Variants in CCDC60 observed in about 807,000 individuals in gnomAD.
CCDC60 encodes the protein coiled-coil domain-containing protein 60.
Under a neutral mutation model 63.5 loss-of-function variants are expected in CCDC60, and 54 were observed. The ratio of observed to expected loss-of-function variants is 0.85; its 90% confidence interval spans 0.68 to 1.07. The LOEUF (loss-of-function observed/expected upper bound fraction) is 1.07, where lower values mean the gene tolerates loss of function less well. Among genes scored for constraint, CCDC60 ranks in the 50% least tolerant of loss-of-function variants. The pLI, the probability that CCDC60 is intolerant of heterozygous loss-of-function variation, is 0.00. For missense variants in CCDC60, 651 were observed against 684.3 expected (o/e 0.95, Z 0.54); for synonymous variants, 206 against 238.8 (o/e 0.86, Z 1.27).
At chr12:119,441,732 T>C (rs1275847675) in intron 2 of CCDC60, among the ~76,000 whole-genome samples, 1 of 152,238 alleles carries the variant, frequency 6.6e-6, no homozygotes, top group African/African-American at 2.4e-5. Flanking sequence ...GAGTCTGTTC[T>C]CTCTCAGTAT....
At chr12:119,417,126 A>G (rs375737868) in intron 1 of CCDC60, among the ~76,000 whole-genome samples, 37 of 152,246 alleles carry the variant, frequency 2.4e-4, no homozygotes, top group African/African-American at 8.2e-4. Flanking sequence ...GTCTAAAAAA[A>G]AGAAAAAAAG....
intron 1 of CCDC60, among the ~76,000 whole-genome samples, chr12:119,398,045 G>GC (rs1956306324): frequency 1.4e-5 from 1 of 69,224 alleles, no homozygotes; most frequent in African/African-American, 5.8e-5. Flanking sequence ...AGGGGCAGCG[G>GC]GGGGGGAGGA....
At chr12:119,383,241 T>G (rs1956026508) in intron 1 of CCDC60, among the ~76,000 whole-genome samples, 1 of 152,188 alleles carries the variant, frequency 6.6e-6, no homozygotes, top group Non-Finnish European at 1.5e-5. Context: ...ATTCTATCTC[T>G]ACAAAAATAA....
intron 13 of CCDC60, among the ~76,000 whole-genome samples, chr12:119,534,627 G>C (rs1303886314): frequency 6.6e-6 from 1 of 152,098 alleles, no homozygotes; most frequent in East Asian, 1.9e-4. Flanking sequence ...TAGCATGAAG[G>C]GCTGTTGAAT....
intron 1 of CCDC60, among the ~76,000 whole-genome samples, chr12:119,353,598 CTTTTTTTTTTTTTTTT>C (rs71072514): frequency 1.5e-5 from 1 of 68,204 alleles, no homozygotes; most frequent in Non-Finnish European, 2.7e-5. Context: ...TCTTCTTCTT[CTTTTTTTTTTTTTTTT>C]TTTTTTTTTT....
chr12:119,361,892 T>A (rs1470063299), intron 1 of CCDC60, among the ~76,000 whole-genome samples: 1 of 152,232 alleles, frequency 6.6e-6, no homozygotes, highest in Non-Finnish European at 1.5e-5. Flanking sequence ...CATGGAAAGA[T>A]GGCCATTGTG....
At chr12:119,373,040 T>G (rs1158928420) in intron 1 of CCDC60, among the ~76,000 whole-genome samples, 2 of 152,156 alleles carry the variant, frequency 1.3e-5, no homozygotes, top group Admixed American at 6.5e-5. Context: ...TTATGATGAT[T>G]GTAAGTGAAA....
At chr12:119,418,475 C>T (rs549143586) in intron 1 of CCDC60, among the ~76,000 whole-genome samples, 7 of 131,824 alleles carry the variant, frequency 5.3e-5, no homozygotes, top group Admixed American at 3.4e-4. Flanking sequence ...AGTGCAGTGG[C>T]GCAATCTCAG....
chr12:119,434,756 A>G (rs558805974), intron 2 of CCDC60, among the ~76,000 whole-genome samples: 1 of 152,312 alleles, frequency 6.6e-6, no homozygotes, highest in Admixed American at 6.5e-5. Flanking sequence ...TGCTGGAAGA[A>G]CTGAGGTGAG....
In CCDC60 at chr12:119,530,962, GA is replaced by G; in HGVS notation, c.1454del (p.Asn485ThrfsTer12). The G allele has an allele frequency of 6.2e-7, 1 of 1,614,196 alleles. No individual in the cohort carries two copies. Among genetic ancestry groups the G allele is most frequent in the South Asian group, 1.1e-5 (1 of 91,072 alleles). On this transcript the variant is annotated frameshift_variant, in exon 13 of 14. Transcript: ENST00000327554. LOFTEE classifies it high-confidence loss of function. ...CCTGGTGAAACTGCAGAAGTTTGGA[GA>G]AAACCTGGACTTGCGGATTCGACCC... ...KILVKLQKFG[E>X]NLDLRIRPHV...
chr12:119,436,320 T>C (rs1409649257), intron 2 of CCDC60, among the ~76,000 whole-genome samples: 1 of 151,986 alleles, frequency 6.6e-6, no homozygotes, highest in Non-Finnish European at 1.5e-5. Flanking sequence ...GGAAAGCACA[T>C]CATTTAAGCA....
intron 3 of CCDC60, among the ~76,000 whole-genome samples, chr12:119,476,502 G>T (rs2136337541): frequency 6.6e-6 from 1 of 152,250 alleles, no homozygotes; most frequent in Non-Finnish European, 1.5e-5. Context: ...TTAACTCTGT[G>T]ATTCCAGAAT....
Position 119,370,331 on chromosome 12 carries a change from C to T in CCDC60, c.90+35065C>T, listed in dbSNP as rs551681086. Among the ~76,000 whole-genome samples the T allele has an allele frequency of 4.6e-5, 7 of 152,320 alleles. No individual in the cohort carries two copies. In the South Asian group the frequency reaches 8.3e-4, roughly 18 times the overall value. ...TGCGCCCCGTGGTGCATTCCACATC[C>T]GGGACTATGGCTTAAGTTGTCATGA... On this transcript the variant is annotated intron_variant, in intron 1 of 13. Transcript: ENST00000327554.
chr12:119,470,011 G>A (rs1266754210), intron 2 of CCDC60, among the ~76,000 whole-genome samples: 1 of 152,166 alleles, frequency 6.6e-6, no homozygotes, highest in Non-Finnish European at 1.5e-5. Context: ...AAGAACCCAA[G>A]GCCCTGCGCC....
intron 1 of CCDC60, among the ~76,000 whole-genome samples, chr12:119,428,482 C>T (rs1956938951): frequency 6.6e-6 from 1 of 152,152 alleles, no homozygotes; most frequent in Admixed American, 6.6e-5. Context: ...GGCTCAGGTC[C>T]ATCTGTCTCC....
intron 1 of CCDC60, among the ~76,000 whole-genome samples, chr12:119,401,123 T>A (rs1158682839): frequency 6.6e-6 from 1 of 152,132 alleles, no homozygotes; most frequent in Non-Finnish European, 1.5e-5. Context: ...TTATCAACAT[T>A]CTCAGATGAA....
At chr12:119,413,065 T>C (rs1956633750) in intron 1 of CCDC60, among the ~76,000 whole-genome samples, 1 of 152,296 alleles carries the variant, frequency 6.6e-6, no homozygotes, top group Non-Finnish European at 1.5e-5. Flanking sequence ...TCCAGGACTT[T>C]GAACAGCAGC....
chr12:119,463,418 A>C (rs1289512893), intron 2 of CCDC60, among the ~76,000 whole-genome samples: 3 of 152,188 alleles, frequency 2.0e-5, no homozygotes, highest in Non-Finnish European at 2.9e-5. Flanking sequence ...CAGTGAACTC[A>C]CCACTTGGGT....
At chr12:119,390,336 C>T (rs1956134292) in intron 1 of CCDC60, among the ~76,000 whole-genome samples, 1 of 152,204 alleles carries the variant, frequency 6.6e-6, no homozygotes, top group African/African-American at 2.4e-5. Context: ...CCCTAAAACA[C>T]TGTTTGTTGT....
Sources: gnomAD v4.1 joint callset for allele counts (sites outside exome capture counted in the v4.1 genomes callset) on GRCh38, gnomAD v4.1.1 for gene constraint, MANE v1.5 for transcripts, NCBI Gene and HGNC (gene_info 2026-07-23, HGNC 2026-07-21) for gene names.